The following RPS6KC1 variants were observed in gnomAD, a reference collection of about 807,000 sequenced individuals.
The protein encoded by RPS6KC1 is inactive ribosomal protein S6 kinase delta-1.
RPS6KC1 carries 54 observed loss-of-function variants against 103.8 expected under a neutral mutation model. The observed-to-expected ratio is 0.52, with a 90% CI of 0.42 to 0.65. The LOEUF is 0.65. Among genes scored for constraint, RPS6KC1 ranks in the 30% least tolerant of loss-of-function variants. The probability of loss-of-function intolerance (pLI) is 0.00; values close to 1 mark genes in which losing one functional copy is unlikely to be tolerated. For missense variants in RPS6KC1, 1,151 were observed against 1,253.8 expected, an observed-to-expected ratio of 0.92 and a Z score of 1.24; for synonymous variants, 439 against 438.7, an observed-to-expected ratio of 1.00 and a Z score of -0.01.
the RPS6KC1 span, among the ~76,000 whole-genome samples, chr1:213,662,060 T>C: frequency 7.9e-5 from 12 of 152,172 alleles, 1 homozygote; most frequent in South Asian, 2.3e-3. Flanking sequence ...ATAAGGTATG[T>C]TGGAGGGAGA....
At chr1:213,362,424 C>T in the RPS6KC1 span, among the ~76,000 whole-genome samples, 1,130 of 152,234 alleles carry the variant, frequency 7.4e-3, 2 homozygotes, top group Non-Finnish European at 0.012. Flanking sequence ...TCTTATATCT[C>T]ATTAATTCTA....
the RPS6KC1 span, among the ~76,000 whole-genome samples, chr1:213,855,288 G>C: frequency 3.3e-5 from 5 of 152,270 alleles, no homozygotes; most frequent in East Asian, 9.7e-4. Flanking sequence ...CCAGAAATGA[G>C]CTATGAAAAA....
chr1:213,649,366 G>A, the RPS6KC1 span, among the ~76,000 whole-genome samples: 1 of 151,240 alleles, frequency 6.6e-6, no homozygotes, highest in African/African-American at 2.4e-5. Context: ...CACCTCTTCT[G>A]CTTCTCAACA....
At chr1:213,490,917 C>T in the RPS6KC1 span, among the ~76,000 whole-genome samples, 2 of 152,170 alleles carry the variant, frequency 1.3e-5, no homozygotes, top group African/African-American at 4.8e-5. Context: ...ACAGACTTTT[C>T]AGCTGGACTT....
chr1:213,524,912 C>T, the RPS6KC1 span, among the ~76,000 whole-genome samples: 1 of 152,232 alleles, frequency 6.6e-6, no homozygotes, highest in Admixed American at 6.5e-5. Context: ...AAATTATCTC[C>T]TATATTACTA....
At chr1:213,561,189 C>T in the RPS6KC1 span, among the ~76,000 whole-genome samples, 1 of 152,210 alleles carries the variant, frequency 6.6e-6, no homozygotes, top group Non-Finnish European at 1.5e-5. Context: ...TTTTTATCCT[C>T]ATGACTGCCC....
At chr1:213,503,101 C>T in the RPS6KC1 span, among the ~76,000 whole-genome samples, 2 of 151,422 alleles carry the variant, frequency 1.3e-5, no homozygotes, top group African/African-American at 4.9e-5. Flanking sequence ...TCTTTTCTTA[C>T]TTCACAACCT....
At chr1:213,227,047 G>A (rs1213822363) in intron 8 of RPS6KC1, among the ~76,000 whole-genome samples, 1 of 152,186 alleles carries the variant, frequency 6.6e-6, no homozygotes, top group Non-Finnish European at 1.5e-5. Flanking sequence ...ACTCCAGAGA[G>A]TACAATCAGT....
At chr1:213,623,417 A>G in the RPS6KC1 span, among the ~76,000 whole-genome samples, 2 of 152,180 alleles carry the variant, frequency 1.3e-5, no homozygotes, top group Non-Finnish European at 2.9e-5. Context: ...GAGCCTTACT[A>G]GCCACAAAAC....
At chr1:213,184,666 A>G (rs1221025664) in intron 8 of RPS6KC1, among the ~76,000 whole-genome samples, 2 of 152,176 alleles carry the variant, frequency 1.3e-5, no homozygotes, top group African/African-American at 2.4e-5. Flanking sequence ...ATTTTGCCAT[A>G]GCCCACAGAT....
the RPS6KC1 span, among the ~76,000 whole-genome samples, chr1:213,290,532 C>CCACATTGATTTT: frequency 6.6e-6 from 1 of 151,976 alleles, no homozygotes; most frequent in African/African-American, 2.4e-5. Context: ...GCTTCTGACT[C>CCACATTGATTTT]CAGCCCTTCC....
At chr1:213,598,561 A>G in the RPS6KC1 span, among the ~76,000 whole-genome samples, 1 of 152,178 alleles carries the variant, frequency 6.6e-6, no homozygotes, top group Non-Finnish European at 1.5e-5. Context: ...AAAAATGAGG[A>G]CAAAATCAGA....
the RPS6KC1 span, among the ~76,000 whole-genome samples, chr1:213,361,846 T>C: frequency 6.6e-6 from 1 of 152,184 alleles, no homozygotes; most frequent in Non-Finnish European, 1.5e-5. Context: ...GGCTGTTCTG[T>C]TACTCTTTTG....
At chr1:213,767,336 C>T in the RPS6KC1 span, among the ~76,000 whole-genome samples, 41 of 152,220 alleles carry the variant, frequency 2.7e-4, no homozygotes, top group African/African-American at 9.6e-4. Context: ...TATCTTTGAC[C>T]TCATTATAGT....
intron 4 of RPS6KC1, among the ~76,000 whole-genome samples, chr1:213,105,092 A>G (rs1449280064): frequency 6.6e-6 from 1 of 152,184 alleles, no homozygotes; most frequent in Non-Finnish European, 1.5e-5. Flanking sequence ...GTTGACTTGT[A>G]TAAAGATACA....
intron 6 of RPS6KC1, among the ~76,000 whole-genome samples, chr1:213,159,643 A>G (rs1299475334): frequency 2.6e-5 from 4 of 152,228 alleles, no homozygotes; most frequent in African/African-American, 4.8e-5. Context: ...CAGGAAAGTC[A>G]TATGGAAAAT....
At chr1:213,458,151 C>T in the RPS6KC1 span, among the ~76,000 whole-genome samples, 1 of 152,156 alleles carries the variant, frequency 6.6e-6, no homozygotes, top group Admixed American at 6.5e-5. Flanking sequence ...TGGCCCCATC[C>T]TCCTTCCCCC....
chr1:213,769,359 G>A, the RPS6KC1 span, among the ~76,000 whole-genome samples: 1 of 152,160 alleles, frequency 6.6e-6, no homozygotes, highest in African/African-American at 2.4e-5. Flanking sequence ...TATGGGAGGA[G>A]ACCCAGGAAT....
chr1:213,814,143 T>C, the RPS6KC1 span, among the ~76,000 whole-genome samples: 12 of 152,252 alleles, frequency 7.9e-5, no homozygotes. Flanking sequence ...TGAGTTCCAA[T>C]TCCAGTGTGT....
Sources: gnomAD v4.1 joint callset for allele counts (sites outside exome capture counted in the v4.1 genomes callset) on GRCh38, gnomAD v4.1.1 for gene constraint, MANE v1.5 for transcripts, NCBI Gene and HGNC (gene_info 2026-07-23, HGNC 2026-07-21) for gene names.